The following KIF5C variants were observed in gnomAD, a reference collection of about 807,000 sequenced individuals.
KIF5C encodes kinesin family member 5C.
In KIF5C, 18 loss-of-function variants were observed where a neutral mutation model predicts 125.2. That is an observed-to-expected ratio of 0.14 (90% confidence interval 0.10 to 0.21). The LOEUF (loss-of-function observed/expected upper bound fraction) is 0.21. Among genes scored for constraint, KIF5C ranks in the 10% least tolerant of loss-of-function variants. The pLI is 1.00. For missense variants in KIF5C, 780 were observed against 1,183.8 expected, an observed-to-expected ratio of 0.66 and a Z score of 5.01; for synonymous variants, 405 against 434.0, an observed-to-expected ratio of 0.93 and a Z score of 0.83.
intron 25 of KIF5C, among the ~76,000 whole-genome samples, chr2:149,012,493 A>G (rs1682237634): frequency 6.6e-6 from 1 of 152,240 alleles, no homozygotes; most frequent in South Asian, 2.1e-4. Flanking sequence ...CAAGGCAGGC[A>G]AGCATGCAAG....
chr2:148,900,933 C>T (rs1680875155), intron 1 of KIF5C, among the ~76,000 whole-genome samples: 1 of 152,098 alleles, frequency 6.6e-6, no homozygotes, highest in Non-Finnish European at 1.5e-5. Context: ...CATGAACATT[C>T]GTTGCTGCTC....
intron 25 of KIF5C, among the ~76,000 whole-genome samples, chr2:149,018,838 AAAC>A (rs1682447121): frequency 6.6e-6 from 1 of 151,568 alleles, no homozygotes; most frequent in African/African-American, 2.4e-5. Context: ...TTTCTCAAAA[AAAC>A]AAACAAAAAA....
chr2:148,880,260 A>G (rs1034719217), intron 1 of KIF5C, among the ~76,000 whole-genome samples: 4 of 152,128 alleles, frequency 2.6e-5, no homozygotes, highest in Non-Finnish European at 5.9e-5. Context: ...AGCTGGGACT[A>G]CAGGCGTGTG....
At position 148,986,197 on chromosome 2, in the gene KIF5C, G is replaced by C. The variant is rs79404169; in HGVS notation, c.1716+2431G>C. ...CTAATGAAATCAGGAGTGTCTGGGT[G>C]CTTCAGTATTGAAAAAAGAGTCTTT... On this transcript the variant is annotated intron_variant, in intron 15 of 25. Coordinates refer to ENST00000435030, the MANE Select transcript of KIF5C (RefSeq NM_004522.3). 9.5e-3 allele frequency among the ~76,000 whole-genome samples: 1,450 copies of C among 152,268 alleles called. 21 individuals carry two copies. Among genetic ancestry groups the C allele is most frequent in the African/African-American group, 0.031 (1,290 of 41,556 alleles).
intron 12 of KIF5C, among the ~76,000 whole-genome samples, chr2:148,976,338 C>CA (rs1230168984): frequency 6.6e-6 from 1 of 151,682 alleles, no homozygotes; most frequent in Non-Finnish European, 1.5e-5. Flanking sequence ...GGTGCGACCT[C>CA]AGTGCACTGC....
chr2:148,989,944 A>G (rs775916084), intron 15 of KIF5C, among the ~76,000 whole-genome samples: 6 of 152,212 alleles, frequency 3.9e-5, no homozygotes, highest in South Asian at 4.1e-4. Flanking sequence ...AATGACATCA[A>G]TAACGACATA....
chr2:148,938,938 C>T lies in KIF5C; in HGVS notation c.396+1550C>T, dbSNP rs144793560. Among the ~76,000 whole-genome samples, 223 of 150,498 alleles carry T rather than the reference C, an allele frequency of 1.5e-3. 1 individual carries two copies. The highest frequency in any genetic ancestry group is 2.5e-3 in the Non-Finnish European group (168 of 67,530). The stretch of plus-strand genomic sequence containing the variant: ...CTGTCTCAACTAAAAAAAAAAAATA[C>T]AAAAAAAGTAGCCAGGCATGGTGGT... On this transcript the variant is annotated intron_variant, in intron 4 of 25. Coordinates refer to ENST00000435030, the MANE Select transcript of KIF5C (RefSeq NM_004522.3).
chr2:149,018,550 T>A (rs1682436996), intron 25 of KIF5C, among the ~76,000 whole-genome samples: 1 of 152,182 alleles, frequency 6.6e-6, no homozygotes, highest in Non-Finnish European at 1.5e-5. Context: ...ATCAATAGAC[T>A]GGGTATGGTG....
intron 1 of KIF5C, among the ~76,000 whole-genome samples, chr2:148,916,796 A>G (rs1681571223): frequency 6.6e-6 from 1 of 152,168 alleles, no homozygotes; most frequent in Non-Finnish European, 1.5e-5. Flanking sequence ...TGTTTCCTTG[A>G]CGTTTGGAGA....
intron 1 of KIF5C, among the ~76,000 whole-genome samples, chr2:148,881,719 C>CAGGTTTCCCACCTGTGTCTACTTA (rs1558869803): frequency 2.0e-5 from 3 of 151,614 alleles, no homozygotes; most frequent in African/African-American, 7.3e-5. Context: ...GTCCTTACCT[C>CAGGTTTCCCACCTGTGTCTACTTA]TAAATCATCG....
intron 9 of KIF5C, 112 bp from the exon 10 acceptor site, chr2:148,950,202 A>G: frequency 6.7e-7 from 1 of 1,487,500 alleles, no homozygotes; most frequent in Non-Finnish European, 8.9e-7. Flanking sequence ...CCAGCCACAA[A>G]TTCTTGTTTT....
chr2:148,993,344 A>G (rs1049512203), intron 16 of KIF5C, among the ~76,000 whole-genome samples: 1 of 152,170 alleles, frequency 6.6e-6, no homozygotes, highest in Non-Finnish European at 1.5e-5. Flanking sequence ...TACCTGTTCT[A>G]AAGTTCTCTT....
At chr2:148,935,447 C>G (rs1225424660) in intron 3 of KIF5C, among the ~76,000 whole-genome samples, 2 of 152,162 alleles carry the variant, frequency 1.3e-5, no homozygotes, top group Non-Finnish European at 1.5e-5. Context: ...TGAGTGGAGT[C>G]ATGACATTTG....
intron 16 of KIF5C, among the ~76,000 whole-genome samples, chr2:148,993,544 C>A (rs1002595164): frequency 6.6e-6 from 1 of 152,208 alleles, no homozygotes; most frequent in African/African-American, 2.4e-5. Context: ...TCTTTGTTTA[C>A]ATTCATCCTC....
chr2:148,932,385 T>G (rs1682201457), intron 3 of KIF5C, among the ~76,000 whole-genome samples: 1 of 152,292 alleles, frequency 6.6e-6, no homozygotes, highest in East Asian at 1.9e-4. Context: ...CAAGCCTACA[T>G]AAAATTGGAA....
chr2:148,902,711 G>A (rs1284855054), intron 1 of KIF5C, among the ~76,000 whole-genome samples: 3 of 152,166 alleles, frequency 2.0e-5, no homozygotes, highest in Non-Finnish European at 4.4e-5. Flanking sequence ...GGGAGCCCAA[G>A]GAAAATTAGA....
Position 149,023,767 on chromosome 2 carries a change from C to T in KIF5C, c.*697C>T, listed in dbSNP as rs1682603240. 1 of 152,238 alleles carries T rather than the reference C, an allele frequency of 6.6e-6. No individual in the cohort carries two copies. Among genetic ancestry groups the T allele is most frequent in the Admixed American group, 6.5e-5 (1 of 15,276 alleles). 9.4% of individuals were successfully genotyped at this position (152,238 alleles called of 1,614,324 possible). A position where few individuals can be genotyped will look rare whatever the true frequency, so the allele number is the denominator to read the frequency against. On this transcript the variant is annotated 3_prime_UTR_variant, in exon 26 of 26. Transcript: ENST00000435030. ...ATGCAAAAAGTCATAAAATTCACCT[C>T]CGAGCTGCTTGCTTTTGAACCTGCA...
chr2:149,000,399 A>G, intron 19 of KIF5C, 24 bp from the exon 20 acceptor site: 1 of 1,557,708 alleles, frequency 6.4e-7, no homozygotes, highest in Non-Finnish European at 8.7e-7. Context: ...TGTGGAATAT[A>G]TTGCTTTTTC....
At chr2:149,008,508 G>A (rs981867483) in intron 23 of KIF5C, among the ~76,000 whole-genome samples, 2 of 152,170 alleles carry the variant, frequency 1.3e-5, no homozygotes, top group Admixed American at 6.5e-5. Flanking sequence ...TCATTGCACC[G>A]TGGGAGGACC....
Sources: gnomAD v4.1 joint callset for allele counts (sites outside exome capture counted in the v4.1 genomes callset) on GRCh38, gnomAD v4.1.1 for gene constraint, MANE v1.5 for transcripts, NCBI Gene and HGNC (gene_info 2026-07-23, HGNC 2026-07-21) for gene names.